KCNQ2: variants seen among roughly 807,000 people sequenced by gnomAD.
KCNQ2 encodes potassium voltage-gated channel subfamily KQT member 2.
KCNQ2 carries 14 observed loss-of-function variants against 84.8 expected under a neutral mutation model. The ratio of observed to expected loss-of-function variants is 0.17; its 90% CI spans 0.11 to 0.26. The LOEUF (loss-of-function observed/expected upper bound fraction) is 0.26, where lower values mean the gene tolerates loss of function less well. KCNQ2 is among the 10% of genes least tolerant of loss of function. KCNQ2 has a pLI of 1.00. For synonymous variants in KCNQ2, 599 were observed against 554.1 expected, an observed-to-expected ratio of 1.08 and a Z score of -1.14; for missense variants, 788 against 1,254.0, an observed-to-expected ratio of 0.63 and a Z score of 5.61.
At position 63,404,418 on chromosome 20, in the gene KCNQ2, G is replaced by A. The variant is rs900413140; in HGVS notation, c.*2226C>T. The A allele has an allele frequency of 6.8e-6, 1 of 147,236 alleles. No individual in the cohort carries two copies. Among genetic ancestry groups the A allele is most frequent in the Admixed American group, 6.8e-5 (1 of 14,798 alleles). The allele number at this position is 147,236 out of a possible 1,614,324, so 9.1% of individuals were successfully genotyped here. A position where few individuals can be genotyped will look rare whatever the true frequency, so the allele number is the denominator to read the frequency against. ...GAAAGAGCAGGCGGGGCCACACCTG[G>A]CGGGGGAGGAAAGAGCAGGCGGGGT... is the stretch of plus-strand genomic sequence containing the variant. On this transcript the variant is annotated 3_prime_UTR_variant, in exon 17 of 17. Transcript: ENST00000359125.
chr20:63,429,182 C>A (rs562261908), intron 9 of KCNQ2, among the ~76,000 whole-genome samples: 1 of 151,388 alleles, frequency 6.6e-6, no homozygotes, highest in East Asian at 2.0e-4. Flanking sequence ...CTCCCACCCA[C>A]CTCACTCTGC....
In KCNQ2 at chr20:63,438,540, G is replaced by C; in HGVS notation, c.1023+85C>G. 1 of 1,153,528 alleles carries C rather than the reference G, an allele frequency of 8.7e-7. No homozygotes were observed. The highest frequency in any genetic ancestry group is 1.3e-6 in the Non-Finnish European group (1 of 767,184). The allele number at this position is 1,153,528 out of a possible 1,614,324, so 71.5% of individuals were successfully genotyped here. ...GTGGCCCATCCACAGACAGGGCAAT[G>C]CCAAAGCCCCAGCGGCCTCCACTCC... is the stretch of plus-strand genomic sequence containing the variant. On this transcript the variant is annotated intron_variant, in intron 7 of 16. Transcript: ENST00000359125. The surrounding 1 kb of genome is among the most constrained non-coding windows in gnomAD (Gnocchi z 5.1).
rs553337046 is a variant in KCNQ2 at position 63,407,238 on chromosome 20, G to C, written c.2025C>G (p.Asp675Glu). ...CGTGCCTGTCGACATGCTCCCGGCT[G>C]TCTTCCGGGCTGTGGTACGGCGGCG... ...EPAPPYHSPE[D>E]SREHVDRHGC... Residue 675 changes from aspartate (D) to glutamate (E), a missense_variant, in exon 17 of 17, where the codon GAC (aspartate) becomes GAG (glutamate). Asp to Glu is a conservative substitution (Grantham distance 45). Coordinates refer to ENST00000359125, the MANE Select transcript of KCNQ2 (RefSeq NM_172107.4). This position sits in a 1 kb window ranked among gnomAD's most constrained non-coding sequence, Gnocchi z 7.2. 11 of 1,602,856 alleles carry C rather than the reference G, an allele frequency of 6.9e-6. 1 individual carries two copies. The African/African-American group carries it at 1.5e-4, about 21-fold the overall frequency.
rs2080907472 is a variant in KCNQ2, at chr20:63,433,906, G to A, written c.1024-3C>T. The A allele has an allele frequency of 4.3e-6, 7 of 1,613,088 alleles. No individual in the cohort carries two copies. The highest frequency in any genetic ancestry group is 3.6e-4 in the Middle Eastern group (2 of 5,608). ...GTGGCGTAGAATCTCCAGGCCGACT[G>A]CGGAGGGAAAGACAAGGCAGTTGGC... is the stretch of plus-strand genomic sequence containing the variant. On this transcript the variant is annotated splice_region_variant and splice_polypyrimidine_tract_variant and intron_variant, in intron 7 of 16. Coordinates refer to ENST00000359125, the MANE Select transcript of KCNQ2 (RefSeq NM_172107.4).
intron 5 of KCNQ2, 80 bp from the exon 6 acceptor site, chr20:63,439,788 G>A: frequency 1.8e-6 from 2 of 1,089,738 alleles, no homozygotes; most frequent in Non-Finnish European, 1.4e-6. Context: ...TGGCGACTCG[G>A]GGCTTGGGAT....
chr20:63,442,896 C>T (rs796915128), intron 4 of KCNQ2, among the ~76,000 whole-genome samples: 23 of 11,376 alleles, frequency 2.0e-3, no homozygotes, highest in East Asian at 7.9e-3. Flanking sequence ...ACCATCACCA[C>T]CATCACCACC....
chr20:63,443,116 A>AT (rs2081278028), intron 4 of KCNQ2, among the ~76,000 whole-genome samples: 1 of 95,134 alleles, frequency 1.1e-5, no homozygotes, highest in African/African-American at 4.1e-5. Flanking sequence ...CACCACCACC[A>AT]CTATCACCAC....
chr20:63,442,609 T>A (rs1188705028), intron 4 of KCNQ2, 78 bp from the exon 5 acceptor site: 1 of 1,433,618 alleles, frequency 7.0e-7, no homozygotes, highest in Non-Finnish European at 9.6e-7. Context: ...ACCACCACCA[T>A]CACATCAACA....
At chr20:63,461,748 C>G (rs1284538477) in intron 1 of KCNQ2, among the ~76,000 whole-genome samples, 1 of 148,514 alleles carries the variant, frequency 6.7e-6, no homozygotes, top group Admixed American at 6.7e-5. Context: ...GCACCTACCC[C>G]AGGGAGCAGG....
At chr20:63,423,205 T>C (rs1286021892) in intron 11 of KCNQ2, among the ~76,000 whole-genome samples, 4 of 152,148 alleles carry the variant, frequency 2.6e-5, no homozygotes, top group South Asian at 2.1e-4. Flanking sequence ...GCACTGACCA[T>C]GACTCCCCTT....
Position 63,406,524 on chromosome 20 carries a change from C to A in KCNQ2, c.*120G>T, listed in dbSNP as rs985533590. On this transcript the variant is annotated 3_prime_UTR_variant, in exon 17 of 17. Transcript: ENST00000359125. ...CAGCCCACATGGGCCCCTCCAGGGC[C>A]CACCCTTCCCGCCACACTCAGTTAC... The A allele has an allele frequency of 2.4e-6, 3 of 1,259,476 alleles. No individual in the cohort carries two copies. The highest frequency in any genetic ancestry group is 3.0e-5 in the African/African-American group (2 of 66,326). The allele number at this position is 1,259,476 out of a possible 1,614,324, so 78.0% of individuals were successfully genotyped here.
chr20:63,458,625 A>G (rs2081868466), intron 1 of KCNQ2, among the ~76,000 whole-genome samples: 1 of 152,094 alleles, frequency 6.6e-6, no homozygotes, highest in African/African-American at 2.4e-5. Flanking sequence ...CTGTCCCCCC[A>G]GAGCAGCGGT....
chr20:63,469,068 G>T (rs1364487766), intron 1 of KCNQ2, among the ~76,000 whole-genome samples: 1 of 152,236 alleles, frequency 6.6e-6, no homozygotes, highest in East Asian at 1.9e-4. Flanking sequence ...GGACGAGGAG[G>T]TTCAACTCCG....
chr20:63,444,611 T>A, intron 4 of KCNQ2, 48 bp downstream of exon 4: 1 of 1,463,498 alleles, frequency 6.8e-7, no homozygotes, highest in Non-Finnish European at 9.1e-7. Context: ...GGGCCAGGAC[T>A]CTCGCTGGCT....
At position 63,400,361 on chromosome 20, in the gene KCNQ2, CTTA is replaced by C; in HGVS notation, c.*6280_*6282del. 2.8e-6 allele frequency: 1 copy of C among 361,700 alleles called. No homozygotes were observed. The highest frequency in any genetic ancestry group is 4.9e-6 in the Non-Finnish European group (1 of 203,540). 22.4% of individuals were successfully genotyped at this position (361,700 alleles called of 1,614,324 possible). On this transcript the variant is annotated 3_prime_UTR_variant, in exon 17 of 17. Transcript: ENST00000359125. This position sits in a 1 kb window ranked among gnomAD's most constrained non-coding sequence, Gnocchi z 8.7. Reference sequence around the variant, plus strand: ...CCCCGCAAACCCGCACTGGCGCATTCTTACGGCTCTGGCATCAACCTGTCCGTG... The same window carrying C: ...CCCCGCAAACCCGCACTGGCGCATTCCGGCTCTGGCATCAACCTGTCCGTG...
At chr20:63,431,755 G>T (rs572614458) in intron 8 of KCNQ2, among the ~76,000 whole-genome samples, 2 of 152,158 alleles carry the variant, frequency 1.3e-5, no homozygotes, top group Non-Finnish European at 2.9e-5. Context: ...GAGGACTGCC[G>T]CGGGTCTGTC....
intron 7 of KCNQ2, among the ~76,000 whole-genome samples, chr20:63,435,386 TCAA>T (rs1487220281): frequency 2.3e-5 from 1 of 42,810 alleles, no homozygotes; most frequent in Non-Finnish European, 6.4e-5. Flanking sequence ...AGTCCCTATC[TCAA>T]CAACAACAAA....
intron 7 of KCNQ2, among the ~76,000 whole-genome samples, chr20:63,434,994 CT>C (rs1478609781): frequency 6.6e-6 from 1 of 152,222 alleles, no homozygotes; most frequent in Non-Finnish European, 1.5e-5. Context: ...CGTTTACGAA[CT>C]TTCTGAGAAA....
chr20:63,424,831 C>T (rs1343533303), intron 10 of KCNQ2, among the ~76,000 whole-genome samples: 1 of 152,198 alleles, frequency 6.6e-6, no homozygotes, highest in Admixed American at 6.5e-5. Flanking sequence ...GAGAGATCGG[C>T]GGATCGTGAT....
Sources: gnomAD v4.1 joint callset for allele counts (sites outside exome capture counted in the v4.1 genomes callset) on GRCh38, gnomAD v4.1.1 for gene constraint, Gnocchi (gnomAD v3.1) non-coding constraint, MANE v1.5 for transcripts, NCBI Gene and HGNC (gene_info 2026-07-23, HGNC 2026-07-21) for gene names.